DOCK8: variants seen among roughly 807,000 people sequenced by gnomAD.
DOCK8 encodes the protein dedicator of cytokinesis 8.
DOCK8 carries 141 observed loss-of-function variants against 245.6 expected under a neutral mutation model. The observed-to-expected ratio is 0.57, with a 90% CI of 0.50 to 0.66. DOCK8 has a LOEUF of 0.66. DOCK8 is among the 30% of genes least tolerant of loss of function. The pLI is 0.00. For missense variants in DOCK8, 2,965 were observed against 2,603.4 expected (o/e 1.14, Z -3.02); for synonymous variants, 1,168 against 970.2 (o/e 1.20, Z -3.79).
chr9:270,985 G>T (rs2048148659), intron 1 of DOCK8, among the ~76,000 whole-genome samples: 1 of 152,226 alleles, frequency 6.6e-6, no homozygotes. Flanking sequence ...CAGCAGGTGT[G>T]AGTAGACAGT....
chr9:260,001 C>T (rs763720813), intron 1 of DOCK8, among the ~76,000 whole-genome samples: 1 of 152,232 alleles, frequency 6.6e-6, no homozygotes, highest in Admixed American at 6.5e-5. Flanking sequence ...ATTATAACCA[C>T]ACCATTGTGG....
chr9:446,411 G>C lies in DOCK8; in HGVS notation c.5622G>C (p.Glu1874Asp). The C allele has an allele frequency of 6.2e-7, 1 of 1,614,196 alleles. No individual in the cohort carries two copies. The part of the protein sequence containing the change: ...QITFVEPYFD[E>D]YEMKDRVTYF... The stretch of plus-strand genomic sequence containing the variant: ...CTTTTGTGGAGCCCTACTTTGATGA[G>C]TATGAGATGAAAGACAGGGTCACAT... The change falls in exon 44 of 48, where the codon GAG becomes GAC. Residue 1874 changes from glutamate to aspartate, a missense_variant. Around this residue, in one of 3 missense-constraint regions of DOCK8, gnomAD observed 2,825 missense variants for 2,453.5 expected, o/e 1.15. Coordinates refer to ENST00000432829, the MANE Select transcript of DOCK8 (RefSeq NM_203447.4).
intron 17 of DOCK8, among the ~76,000 whole-genome samples, chr9:371,820 A>G (rs540692362): frequency 3.9e-5 from 6 of 152,236 alleles, no homozygotes; most frequent in East Asian, 1.9e-4. Context: ...AGTGTTCACT[A>G]TTTCCAAATT....
intron 14 of DOCK8, chr9:365,991 C>G (rs140553747): frequency 5.2e-6 from 1 of 193,660 alleles, no homozygotes; most frequent in Non-Finnish European, 1.1e-5. Context: ...AGACAGAGCA[C>G]GATTTGGGAA....
At chr9:246,461 G>A (rs982760608) in intron 1 of DOCK8, among the ~76,000 whole-genome samples, 1 of 152,084 alleles carries the variant, frequency 6.6e-6, no homozygotes, top group Non-Finnish European at 1.5e-5. Context: ...ACTGCAGTGA[G>A]CTAAGATCGC....
chr9:404,812 A>T, intron 26 of DOCK8, 106 bp from the exon 27 acceptor site: 1 of 1,237,262 alleles, frequency 8.1e-7, no homozygotes, highest in Non-Finnish European at 1.2e-6. Context: ...TTTTTATTAA[A>T]TTGATTGCCT....
chr9:303,897 T>C (rs2049680783), intron 4 of DOCK8, among the ~76,000 whole-genome samples: 1 of 152,220 alleles, frequency 6.6e-6, no homozygotes, highest in East Asian at 1.9e-4. Context: ...TCCAAAGATG[T>C]CTTTGAGTCA....
At position 400,405 on chromosome 9, in the gene DOCK8, AT is replaced by A. The variant is rs1431043511; in HGVS notation, c.3234+1147del. ...CATCACCATCACCACCACCTCCACC[AT>A]CACCACCACCACCTCCACCATCACC... On this transcript the variant is annotated intron_variant, in intron 26 of 47. Coordinates refer to ENST00000432829, the MANE Select transcript of DOCK8 (RefSeq NM_203447.4). 3.5e-5 allele frequency among the ~76,000 whole-genome samples: 2 copies of A among 56,446 alleles called. 1 individual carries two copies. The highest frequency in any genetic ancestry group is 3.4e-4 in the Admixed American group (2 of 5,802). The allele number at this position is 56,446 out of a possible 152,430, so 37.0% of individuals were successfully genotyped here.
At chr9:399,778 C>T (rs919343785) in intron 26 of DOCK8, among the ~76,000 whole-genome samples, 1 of 151,974 alleles carries the variant, frequency 6.6e-6, no homozygotes, top group Non-Finnish European at 1.5e-5. Context: ...TGCCATCCCC[C>T]CAGATTTTTA....
rs1379594643 is a variant in DOCK8 at position 400,880 on chromosome 9, T to TCCTCCA, written c.3234+1623_3234+1624insTCCACC. Among the ~76,000 whole-genome samples, 2 of 36,720 alleles carry TCCTCCA rather than the reference T, an allele frequency of 5.4e-5. 1 individual carries two copies. The highest frequency in any genetic ancestry group is 8.2e-5 in the Non-Finnish European group (2 of 24,404). The allele number at this position is 36,720 out of a possible 152,430, so 24.1% of individuals were successfully genotyped here. ...CACCTCCTCCACCATCACCACCACCTCCACCACCACCACCTCCCCCACTAC... is the reference window on the plus strand; with the variant it reads ...CACCTCCTCCACCATCACCACCACCTCCTCCACCACCACCACCACCTCCCCCACTAC... On this transcript the variant is annotated intron_variant, in intron 26 of 47. Coordinates refer to ENST00000432829, the MANE Select transcript of DOCK8 (RefSeq NM_203447.4).
chr9:435,606 C>G (rs2056873352), intron 39 of DOCK8, among the ~76,000 whole-genome samples: 1 of 152,204 alleles, frequency 6.6e-6, no homozygotes, highest in Non-Finnish European at 1.5e-5. Flanking sequence ...GGGGCCCACT[C>G]TCCAATCCAA....
At chr9:353,771 T>G (rs1348639293) in intron 14 of DOCK8, among the ~76,000 whole-genome samples, 2 of 152,232 alleles carry the variant, frequency 1.3e-5, no homozygotes, top group Admixed American at 1.3e-4. Context: ...CAAGTATTAT[T>G]GAAATGTTTA....
chr9:275,983 T>G (rs1284027650), intron 2 of DOCK8, among the ~76,000 whole-genome samples: 1 of 152,062 alleles, frequency 6.6e-6, no homozygotes, highest in Non-Finnish European at 1.5e-5. Context: ...CTCTGCCTCC[T>G]GCGTTCAAGT....
intron 39 of DOCK8, among the ~76,000 whole-genome samples, chr9:436,848 ATCTT>A: frequency 6.6e-6 from 1 of 152,300 alleles, no homozygotes; most frequent in South Asian, 2.1e-4. Context: ...AATTATTCCA[ATCTT>A]TGTTCAGTTA....
chr9:331,166 A>C (rs1033212247), intron 9 of DOCK8, among the ~76,000 whole-genome samples: 3 of 152,226 alleles, frequency 2.0e-5, no homozygotes, highest in African/African-American at 7.2e-5. Context: ...GGCAGTGTTT[A>C]TCGCCACCTT....
intron 28 of DOCK8, among the ~76,000 whole-genome samples, chr9:413,616 C>G (rs2055855733): frequency 6.6e-6 from 1 of 152,128 alleles, no homozygotes; most frequent in Admixed American, 6.5e-5. Context: ...ATAGACATTT[C>G]TCCAAAGAAG....
In DOCK8 at chr9:465,026, AC is replaced by A. The variant is rs945863351; in HGVS notation, c.*809del. Reference sequence around the variant, plus strand: ...ACTATCTATTTTTCTCCTCTCTGGGACCAAGTTTCTTTTTATAAAGCAATAA... The same window carrying A: ...ACTATCTATTTTTCTCCTCTCTGGGACAAGTTTCTTTTTATAAAGCAATAA... On this transcript the variant is annotated 3_prime_UTR_variant, in exon 48 of 48. Coordinates refer to ENST00000432829, the MANE Select transcript of DOCK8 (RefSeq NM_203447.4). 3.9e-5 allele frequency: 6 copies of A among 152,460 alleles called. No homozygotes were observed. The highest frequency in any genetic ancestry group is 1.4e-4 in the African/African-American group (6 of 41,406). 9.4% of individuals were successfully genotyped at this position (152,460 alleles called of 1,614,324 possible).
intron 2 of DOCK8, among the ~76,000 whole-genome samples, chr9:275,096 A>C (rs1203625980): frequency 6.6e-6 from 1 of 152,224 alleles, no homozygotes; most frequent in Non-Finnish European, 1.5e-5. Context: ...AAGCCACTTA[A>C]TCTCTCTGAA....
intron 2 of DOCK8, among the ~76,000 whole-genome samples, chr9:283,345 C>T (rs908947365): frequency 9.2e-5 from 14 of 152,238 alleles, no homozygotes; most frequent in African/African-American, 3.4e-4. Context: ...GAAAATTCCA[C>T]ACCTGACCTC....
Sources: gnomAD v4.1 joint callset for allele counts (sites outside exome capture counted in the v4.1 genomes callset) on GRCh38, gnomAD v4.1.1 for gene constraint, gnomAD v4.1.1 regional missense constraint, MANE v1.5 for transcripts, NCBI Gene and HGNC (gene_info 2026-07-23, HGNC 2026-07-21) for gene names.